Variants in LCLAT1 observed in about 807,000 individuals in gnomAD.
LCLAT1 encodes 1-AGP acyltransferase 8.
In LCLAT1, 11 loss-of-function variants were observed where a neutral mutation model predicts 30.7. The observed-to-expected ratio is 0.36, with a 90% CI of 0.23 to 0.59. The LOEUF (loss-of-function observed/expected upper bound fraction) is 0.59, where lower values mean the gene tolerates loss of function less well. LCLAT1 is among the 20% of genes least tolerant of loss of function. The pLI is 0.77. For synonymous variants in LCLAT1, 155 were observed against 151.3 expected (o/e 1.02, Z -0.18); for missense variants, 402 against 458.6 (o/e 0.88, Z 1.13).
chr2:30,484,139 C>T (rs1683453461), intron 1 of LCLAT1, among the ~76,000 whole-genome samples: 2 of 152,110 alleles, frequency 1.3e-5, no homozygotes. Context: ...ATATAGATGG[C>T]CCTGCTTGCT....
chr2:30,639,735 G>T (rs534869824), intron 5 of LCLAT1, among the ~76,000 whole-genome samples: 1 of 152,272 alleles, frequency 6.6e-6, no homozygotes, highest in South Asian at 2.1e-4. Flanking sequence ...CTTTTATTTG[G>T]AGAGATGGCT....
At chr2:30,592,147 C>G (rs1265962641) in intron 5 of LCLAT1, among the ~76,000 whole-genome samples, 1 of 152,104 alleles carries the variant, frequency 6.6e-6, no homozygotes, top group Non-Finnish European at 1.5e-5. Flanking sequence ...TTCCCATATT[C>G]CAACATGCAC....
chr2:30,607,365 T>C (rs2148499671), intron 5 of LCLAT1: 2 of 152,252 alleles, frequency 1.3e-5, no homozygotes, highest in African/African-American at 4.8e-5. Flanking sequence ...TGTCTTCTTG[T>C]GTACCTGTGT....
intron 1 of LCLAT1, among the ~76,000 whole-genome samples, chr2:30,507,200 A>G (rs1443197916): frequency 6.7e-6 from 1 of 148,866 alleles, no homozygotes; most frequent in Non-Finnish European, 1.5e-5. Flanking sequence ...GAAAAATTAT[A>G]AAGTTGTCTG....
At chr2:30,508,400 T>C (rs1264565154) in intron 1 of LCLAT1, among the ~76,000 whole-genome samples, 1 of 152,182 alleles carries the variant, frequency 6.6e-6, no homozygotes, top group Non-Finnish European at 1.5e-5. Flanking sequence ...TTTTATAGTT[T>C]TGAGTTTTAT....
intron 1 of LCLAT1, among the ~76,000 whole-genome samples, chr2:30,451,355 G>A (rs1681540388): frequency 6.6e-6 from 1 of 152,190 alleles, no homozygotes; most frequent in Non-Finnish European, 1.5e-5. Flanking sequence ...TTGGAAGACT[G>A]TGGCTTTGTC....
At chr2:30,599,064 C>T (rs950326814) in intron 5 of LCLAT1, among the ~76,000 whole-genome samples, 1 of 151,710 alleles carries the variant, frequency 6.6e-6, no homozygotes, top group Non-Finnish European at 1.5e-5. Context: ...CTCACTGCAA[C>T]CTCCGCCTCC....
chr2:30,557,283 CGTGTGT>C (rs373793652), intron 3 of LCLAT1, among the ~76,000 whole-genome samples: 1,565 of 138,622 alleles, frequency 0.011, 6 homozygotes, highest in South Asian at 0.036. Context: ...AAGGTATGAT[CGTGTGT>C]GTGTGTGTGT....
chr2:30,457,902 A>G (rs989616952), intron 1 of LCLAT1, among the ~76,000 whole-genome samples: 1 of 152,194 alleles, frequency 6.6e-6, no homozygotes, highest in African/African-American at 2.4e-5. Context: ...TTGCATGGTT[A>G]GTGTGAGGAT....
At chr2:30,561,688 G>T (rs1378212881) in intron 3 of LCLAT1, among the ~76,000 whole-genome samples, 1 of 152,174 alleles carries the variant, frequency 6.6e-6, no homozygotes, top group East Asian at 1.9e-4. Flanking sequence ...TTAGAGACTT[G>T]AGTGGTATCA....
At chr2:30,621,512 A>G (rs1038789690) in intron 5 of LCLAT1, among the ~76,000 whole-genome samples, 48 of 152,140 alleles carry the variant, frequency 3.2e-4, no homozygotes, top group Admixed American at 2.1e-3. Flanking sequence ...TGGGCTTTTG[A>G]TCCAAGAAAT....
chr2:30,551,485 G>A (rs903095928), intron 3 of LCLAT1, among the ~76,000 whole-genome samples: 16 of 152,120 alleles, frequency 1.1e-4, no homozygotes, highest in African/African-American at 3.1e-4. Flanking sequence ...TATGAAGAAT[G>A]ATGTGAGAAA....
chr2:30,552,544 G>T (rs1248467573), intron 3 of LCLAT1: 2 of 448,504 alleles, frequency 4.5e-6, no homozygotes, highest in South Asian at 3.2e-5. Context: ...CAGGATTGTT[G>T]CTGCAAAAAT....
chr2:30,483,342 A>T (rs1055318748), intron 1 of LCLAT1, among the ~76,000 whole-genome samples: 4 of 152,152 alleles, frequency 2.6e-5, no homozygotes, highest in African/African-American at 9.7e-5. Flanking sequence ...AAAATAAATA[A>T]AATTAAAACT....
At chr2:30,457,893 T>C (rs1366219207) in intron 1 of LCLAT1, among the ~76,000 whole-genome samples, 2 of 152,220 alleles carry the variant, frequency 1.3e-5, no homozygotes, top group African/African-American at 2.4e-5. Context: ...TTATTTTCTT[T>C]GCATGGTTAG....
intron 1 of LCLAT1, among the ~76,000 whole-genome samples, chr2:30,471,232 T>C (rs2148292039): frequency 7.0e-6 from 1 of 143,392 alleles, no homozygotes; most frequent in East Asian, 2.1e-4. Flanking sequence ...TTTTCTAAGA[T>C]AGAGTCTCAC....
At chr2:30,470,282 C>G (rs1682709149) in intron 1 of LCLAT1, among the ~76,000 whole-genome samples, 1 of 152,172 alleles carries the variant, frequency 6.6e-6, no homozygotes, top group Non-Finnish European at 1.5e-5. Flanking sequence ...CTTATGACCA[C>G]TGGCTAGTGA....
At chr2:30,551,837 T>A (rs1664695002) in intron 3 of LCLAT1, among the ~76,000 whole-genome samples, 1 of 152,218 alleles carries the variant, frequency 6.6e-6, no homozygotes, top group African/African-American at 2.4e-5. Flanking sequence ...AAAATTTATT[T>A]TTAATTTTCA....
intron 5 of LCLAT1, among the ~76,000 whole-genome samples, chr2:30,605,046 G>A (rs1667370860): frequency 6.6e-6 from 1 of 152,146 alleles, no homozygotes. Flanking sequence ...AGTTAACATG[G>A]GTCATTCTGA....
Sources: allele counts gnomAD v4.1 joint callset (sites outside exome capture counted in the v4.1 genomes callset), GRCh38; gene constraint gnomAD v4.1.1; transcripts MANE v1.5; gene names NCBI Gene and HGNC (gene_info 2026-07-23, HGNC 2026-07-21).